The following KCNAB1 variants were observed in gnomAD, a reference collection of about 807,000 sequenced individuals.
KCNAB1 encodes the protein potassium voltage-gated channel subfamily A regulatory beta subunit 1.
KCNAB1 carries 35 observed loss-of-function variants against 64.6 expected under a neutral mutation model. That is an observed-to-expected ratio of 0.54 (90% CI 0.41 to 0.72). The LOEUF (loss-of-function observed/expected upper bound fraction) is 0.72, where lower values mean the gene tolerates loss of function less well. Among genes scored for constraint, KCNAB1 ranks in the 30% least tolerant of loss-of-function variants. The probability of loss-of-function intolerance (pLI) is 0.00; values close to 1 mark genes in which losing one functional copy is unlikely to be tolerated. For missense variants in KCNAB1, 401 were observed against 512.9 expected (o/e 0.78, Z 2.11); for synonymous variants, 177 against 183.8 (o/e 0.96, Z 0.30).
At chr3:156,352,675 C>T (rs952580539) in intron 1 of KCNAB1, among the ~76,000 whole-genome samples, 5 of 152,200 alleles carry the variant, frequency 3.3e-5, no homozygotes, top group African/African-American at 1.2e-4. Flanking sequence ...CAGGTCTGTC[C>T]TTGGCGTCAC....
chr3:156,317,254 A>T (rs1232446823), intron 1 of KCNAB1, among the ~76,000 whole-genome samples: 1 of 152,150 alleles, frequency 6.6e-6, no homozygotes, highest in Non-Finnish European at 1.5e-5. Flanking sequence ...TTATAAAGGA[A>T]CTTTTGCATG....
chr3:156,150,531 C>T (rs969978489), intron 1 of KCNAB1, among the ~76,000 whole-genome samples: 1 of 152,100 alleles, frequency 6.6e-6, no homozygotes, highest in Non-Finnish European at 1.5e-5. Flanking sequence ...TTGTTGACAG[C>T]GGTTTCGTCT....
intron 1 of KCNAB1, among the ~76,000 whole-genome samples, chr3:156,245,772 T>C (rs1343821971): frequency 2.0e-5 from 3 of 152,218 alleles, no homozygotes; most frequent in Non-Finnish European, 4.4e-5. Flanking sequence ...TAGGGTCAGC[T>C]AACAAGGCTC....
chr3:156,189,952 G>A (rs973201132), intron 1 of KCNAB1, among the ~76,000 whole-genome samples: 3 of 152,150 alleles, frequency 2.0e-5, no homozygotes, highest in South Asian at 2.1e-4. Context: ...CTTTTTGACA[G>A]GTGTAATGTT....
chr3:156,424,675 T>TC (rs1344293488), intron 2 of KCNAB1, among the ~76,000 whole-genome samples: 1 of 152,204 alleles, frequency 6.6e-6, no homozygotes, highest in Non-Finnish European at 1.5e-5. Flanking sequence ...CACAGAAAAC[T>TC]CAGCTGAAAG....
intron 1 of KCNAB1, among the ~76,000 whole-genome samples, chr3:156,264,101 T>A (rs1024357313): frequency 6.6e-6 from 1 of 152,140 alleles, no homozygotes; most frequent in Non-Finnish European, 1.5e-5. Context: ...AGTCCATATA[T>A]ACATTTATAA....
At chr3:156,131,186 T>G (rs1344554013) in intron 1 of KCNAB1, among the ~76,000 whole-genome samples, 1 of 152,186 alleles carries the variant, frequency 6.6e-6, no homozygotes, top group African/African-American at 2.4e-5. Context: ...ATTGTGTGTT[T>G]TTGCTGCATG....
At position 156,538,239 on chromosome 3, in the gene KCNAB1, G is replaced by C. The variant is rs1719200491; in HGVS notation, c.*1492G>C. 6.6e-6 allele frequency: 1 copy of C among 151,880 alleles called. No homozygotes were observed. Among genetic ancestry groups the C allele is most frequent in the South Asian group, 2.1e-4 (1 of 4,824 alleles). The allele number at this position is 151,880 out of a possible 1,614,324, so 9.4% of individuals were successfully genotyped here. ...AAATTCTCATTTAATTTTCTGGTCAGCAAGTTCCCCACACAGAAATCACTC... is the reference window on the plus strand; with the variant it reads ...AAATTCTCATTTAATTTTCTGGTCACCAAGTTCCCCACACAGAAATCACTC... On this transcript the variant is annotated 3_prime_UTR_variant, in exon 14 of 14. Transcript: ENST00000490337.
At chr3:156,529,654 T>C (rs539115332) in intron 12 of KCNAB1, among the ~76,000 whole-genome samples, 1 of 152,284 alleles carries the variant, frequency 6.6e-6, no homozygotes, top group African/African-American at 2.4e-5. Flanking sequence ...TTCTGATGCA[T>C]ACCAAAGTTT....
At chr3:156,320,518 A>G (rs1722585739) in intron 1 of KCNAB1, among the ~76,000 whole-genome samples, 1 of 152,186 alleles carries the variant, frequency 6.6e-6, no homozygotes, top group Non-Finnish European at 1.5e-5. Context: ...ACTGTGTACA[A>G]TTCATTTTCT....
chr3:156,350,374 C>T (rs1724776481), intron 1 of KCNAB1, among the ~76,000 whole-genome samples: 1 of 152,038 alleles, frequency 6.6e-6, no homozygotes, highest in African/African-American at 2.4e-5. Flanking sequence ...TATAGTGAGA[C>T]CCCATCTCTA....
chr3:156,248,448 G>A (rs1717596551), intron 1 of KCNAB1, among the ~76,000 whole-genome samples: 1 of 147,096 alleles, frequency 6.8e-6, no homozygotes, highest in Admixed American at 6.8e-5. Flanking sequence ...TTGTTACATA[G>A]TTGTGGAGGC....
At chr3:156,300,338 G>T (rs901923656) in intron 1 of KCNAB1, among the ~76,000 whole-genome samples, 1 of 152,194 alleles carries the variant, frequency 6.6e-6, no homozygotes, top group South Asian at 2.1e-4. Context: ...GCCTCATAAG[G>T]TTGCTGGTAC....
chr3:156,323,390 T>C (rs1442483697), intron 1 of KCNAB1, among the ~76,000 whole-genome samples: 1 of 152,188 alleles, frequency 6.6e-6, no homozygotes, highest in East Asian at 1.9e-4. Flanking sequence ...TTATCCAGTG[T>C]ATACAGATTT....
At chr3:156,284,650 T>A (rs62286225) in intron 1 of KCNAB1, among the ~76,000 whole-genome samples, 3,709 of 152,262 alleles carry the variant, frequency 0.024, 213 homozygotes, top group South Asian at 0.22. Flanking sequence ...CGGAGCCAGG[T>A]GTGGGATATA....
At chr3:156,139,607 T>TTTTTTG (rs1714587983) in intron 1 of KCNAB1, among the ~76,000 whole-genome samples, 2 of 149,056 alleles carry the variant, frequency 1.3e-5, no homozygotes, top group East Asian at 3.9e-4. Context: ...TTTTTTTTTT[T>TTTTTTG]TTTGTTCCCC....
intron 8 of KCNAB1, among the ~76,000 whole-genome samples, chr3:156,504,143 G>T (rs143553801): frequency 2.6e-5 from 4 of 152,186 alleles, no homozygotes; most frequent in African/African-American, 9.6e-5. Context: ...TTCCACATAT[G>T]AGTGAGATAA....
Position 156,271,267 on chromosome 3 carries a change from T to C in KCNAB1, c.276-150349T>C, listed in dbSNP as rs1116369. Among the ~76,000 whole-genome samples the C allele has an allele frequency of 4.6e-5, 7 of 152,284 alleles. No homozygotes were observed. The South Asian group carries it at 1.4e-3, about 32-fold the overall frequency. On this transcript the variant is annotated intron_variant, in intron 1 of 13. Coordinates refer to ENST00000490337, the MANE Select transcript of KCNAB1 (RefSeq NM_172160.3). ...AGTTATTTGTTATTATCCCTTTAAA[T>C]ACACTTTCCACCCCTATCTCTCTAT...
intron 1 of KCNAB1, among the ~76,000 whole-genome samples, chr3:156,309,397 C>T (rs974934851): frequency 2.0e-5 from 3 of 152,212 alleles, no homozygotes; most frequent in Non-Finnish European, 4.4e-5. Flanking sequence ...GGGAAGCCAA[C>T]ACAGATGCCA....
Sources: gnomAD v4.1 joint callset for allele counts (sites outside exome capture counted in the v4.1 genomes callset) on GRCh38, gnomAD v4.1.1 for gene constraint, MANE v1.5 for transcripts, NCBI Gene and HGNC (gene_info 2026-07-23, HGNC 2026-07-21) for gene names.